AGBL4: variants seen among roughly 807,000 people sequenced by gnomAD.
AGBL4 encodes the protein AGBL carboxypeptidase 4.
A neutral mutation model predicts 66.4 loss-of-function variants in AGBL4; 58 were observed. The ratio of observed to expected loss-of-function variants is 0.87; its 90% confidence interval spans 0.71 to 1.09. AGBL4 has a LOEUF of 1.09. AGBL4 is among the 50% of genes least tolerant of loss of function. The pLI is 0.00. For synonymous variants in AGBL4, 234 were observed against 222.9 expected (o/e 1.05, Z -0.44); for missense variants, 579 against 631.0 (o/e 0.92, Z 0.88).
chr1:49,974,822 C>A (rs1003124873), intron 1 of AGBL4, among the ~76,000 whole-genome samples: 1 of 152,042 alleles, frequency 6.6e-6, no homozygotes, highest in Non-Finnish European at 1.5e-5. Flanking sequence ...TCATTGAATT[C>A]TTTTGACATT....
chr1:49,846,815 G>A (rs778272728), intron 2 of AGBL4, among the ~76,000 whole-genome samples: 1 of 152,160 alleles, frequency 6.6e-6, no homozygotes, highest in Admixed American at 6.5e-5. Flanking sequence ...CATACTCATG[G>A]AGCAGAAGAA....
intron 2 of AGBL4, among the ~76,000 whole-genome samples, chr1:49,745,959 C>G (rs1226653145): frequency 6.6e-6 from 1 of 151,944 alleles, no homozygotes; most frequent in Non-Finnish European, 1.5e-5. Flanking sequence ...AAAACATTCT[C>G]CAGGACAGAC....
At position 48,776,439 on chromosome 1, in the gene AGBL4, C is replaced by T. The variant is rs542625483; in HGVS notation, c.634+90752G>A. Among the ~76,000 whole-genome samples, 9 of 152,302 alleles carry T rather than the reference C, an allele frequency of 5.9e-5. No homozygotes were observed. In the South Asian group the frequency reaches 1.9e-3, roughly 32 times the overall value. On this transcript the variant is annotated intron_variant, in intron 6 of 13. Transcript: ENST00000371839. ...ATCCGGTCTTTTTAACTGGCCTGGC[C>T]TCTTAGAGACACCCCGTTCCCAAAT...
intron 1 of AGBL4, among the ~76,000 whole-genome samples, chr1:49,962,924 G>C (rs889988868): frequency 1.3e-5 from 2 of 152,062 alleles, no homozygotes; most frequent in African/African-American, 4.8e-5. Context: ...TATTGGTTGA[G>C]ACAAGATTCA....
chr1:49,404,850 C>T (rs568918588), intron 3 of AGBL4, among the ~76,000 whole-genome samples: 1 of 152,242 alleles, frequency 6.6e-6, no homozygotes, highest in African/African-American at 2.4e-5. Context: ...ATATATTCAA[C>T]TGCTTATTTT....
intron 2 of AGBL4, among the ~76,000 whole-genome samples, chr1:49,716,157 G>C (rs1648115489): frequency 6.6e-6 from 1 of 152,084 alleles, no homozygotes; most frequent in South Asian, 2.1e-4. Context: ...TCCAGTTTCA[G>C]TTTTCTGCAT....
At chr1:48,947,063 A>G (rs1656574417) in intron 5 of AGBL4, among the ~76,000 whole-genome samples, 2 of 152,150 alleles carry the variant, frequency 1.3e-5, no homozygotes, top group Admixed American at 1.3e-4. Flanking sequence ...CTATCCCCAG[A>G]ACATGCTTCT....
intron 3 of AGBL4, among the ~76,000 whole-genome samples, chr1:49,559,853 A>G (rs971273274): frequency 2.6e-5 from 4 of 152,116 alleles, no homozygotes; most frequent in African/African-American, 9.7e-5. Flanking sequence ...GCCTATTGGG[A>G]AATTGTACTT....
At chr1:49,964,295 G>T (rs991600920) in intron 1 of AGBL4, among the ~76,000 whole-genome samples, 1 of 152,078 alleles carries the variant, frequency 6.6e-6, no homozygotes, top group Non-Finnish European at 1.5e-5. Flanking sequence ...TCTTAGGCAA[G>T]TTACTTAATC....
intron 11 of AGBL4, among the ~76,000 whole-genome samples, chr1:48,558,211 G>A (rs994149271): frequency 3.3e-5 from 5 of 152,084 alleles, no homozygotes; most frequent in Non-Finnish European, 5.9e-5. Flanking sequence ...CTTTAATCAC[G>A]CATCCTCGCT....
At chr1:48,841,681 C>G (rs1254635426) in intron 6 of AGBL4, among the ~76,000 whole-genome samples, 1 of 152,080 alleles carries the variant, frequency 6.6e-6, no homozygotes, top group Non-Finnish European at 1.5e-5. Flanking sequence ...CTCCATAAAC[C>G]ATGAGATTTG....
chr1:49,898,376 A>G lies in AGBL4; in HGVS notation c.35-46858T>C, dbSNP rs532572691. Among the ~76,000 whole-genome samples, 183 of 152,252 alleles carry G rather than the reference A, an allele frequency of 1.2e-3. 1 individual carries two copies. The highest frequency in any genetic ancestry group is 2.4e-3 in the Non-Finnish European group (160 of 67,998). ...GGCATAAGAAAAGGTGCTCAAATTC[A>G]TTGATCATCAGAGAAATGCAGGTCA... On this transcript the variant is annotated intron_variant, in intron 1 of 13. Coordinates refer to ENST00000371839, the MANE Select transcript of AGBL4 (RefSeq NM_032785.4).
intron 9 of AGBL4, among the ~76,000 whole-genome samples, chr1:48,616,913 G>A (rs1426607978): frequency 2.6e-5 from 4 of 152,174 alleles, no homozygotes; most frequent in Admixed American, 6.5e-5. Context: ...CACCTCCAAC[G>A]GCTGGTTTCT....
intron 3 of AGBL4, among the ~76,000 whole-genome samples, chr1:49,499,547 T>G (rs1440616894): frequency 6.6e-6 from 1 of 151,576 alleles, no homozygotes; most frequent in Admixed American, 6.6e-5. Flanking sequence ...CAGAGTCCAT[T>G]ACATCATTCT....
chr1:49,903,822 G>A (rs1650006321), intron 1 of AGBL4, among the ~76,000 whole-genome samples: 1 of 152,102 alleles, frequency 6.6e-6, no homozygotes, highest in Admixed American at 6.6e-5. Context: ...AGAATGCCAG[G>A]CCAATGAACT....
chr1:49,434,745 T>C (rs1645865973), intron 3 of AGBL4, among the ~76,000 whole-genome samples: 1 of 151,596 alleles, frequency 6.6e-6, no homozygotes, highest in Non-Finnish European at 1.5e-5. Flanking sequence ...TGTGTGTGAC[T>C]ATATGGTAGC....
intron 3 of AGBL4, among the ~76,000 whole-genome samples, chr1:49,603,530 AT>A (rs1390656366): frequency 2.1e-4 from 6 of 28,354 alleles, no homozygotes; most frequent in South Asian, 1.9e-3. Flanking sequence ...ATCTCAAAAA[AT>A]AAATAAATAA....
At chr1:49,591,670 C>T (rs1423792826) in intron 3 of AGBL4, among the ~76,000 whole-genome samples, 2 of 152,096 alleles carry the variant, frequency 1.3e-5, no homozygotes, top group Non-Finnish European at 1.5e-5. Context: ...AAGAATCACT[C>T]TACTTGACTT....
At chr1:49,461,011 T>C (rs1002599874) in intron 3 of AGBL4, among the ~76,000 whole-genome samples, 3 of 151,728 alleles carry the variant, frequency 2.0e-5, no homozygotes, top group African/African-American at 7.2e-5. Flanking sequence ...CTGACGTTTT[T>C]GTCTCATAGC....
Sources: allele counts gnomAD v4.1 joint callset (sites outside exome capture counted in the v4.1 genomes callset), GRCh38; gene constraint gnomAD v4.1.1; transcripts MANE v1.5; gene names NCBI Gene and HGNC (gene_info 2026-07-23, HGNC 2026-07-21).